Variants in ARIH1 observed in about 807,000 individuals in gnomAD.
The protein encoded by ARIH1 is ariadne RBR E3 ubiquitin protein ligase 1, also known as E3 ubiquitin-protein ligase ARIH1.
ARIH1 carries 8 observed loss-of-function variants against 85.0 expected under a neutral mutation model. That is an observed-to-expected ratio of 0.09 (90% CI 0.06 to 0.17). The LOEUF (loss-of-function observed/expected upper bound fraction) is 0.17. Among genes scored for constraint, ARIH1 ranks in the 10% least tolerant of loss-of-function variants. The probability of loss-of-function intolerance (pLI) is 1.00; values close to 1 mark genes in which losing one functional copy is unlikely to be tolerated. For missense variants in ARIH1, 311 were observed against 718.1 expected (o/e 0.43, Z 6.48); for synonymous variants, 238 against 253.6 (o/e 0.94, Z 0.59).
At chr15:72,490,831 A>G (rs1289849362) in intron 1 of ARIH1, among the ~76,000 whole-genome samples, 1 of 152,148 alleles carries the variant, frequency 6.6e-6, no homozygotes, top group Non-Finnish European at 1.5e-5. Context: ...TAAACAATGC[A>G]GATTAGGATA....
At chr15:72,576,505 C>CAAAAA (rs35725065) in intron 11 of ARIH1, among the ~76,000 whole-genome samples, 2 of 63,276 alleles carry the variant, frequency 3.2e-5, no homozygotes, top group African/African-American at 7.7e-5. Context: ...GACTCTGTCT[C>CAAAAA]AAAAAAAAAA....
rs146201748 is a variant in ARIH1, at chr15:72,529,194, G to A, written c.443+11060G>A. On this transcript the variant is annotated intron_variant, in intron 2 of 13. Transcript: ENST00000379887. ...AGCCTGGGCGACAGAGCGAGACTCC[G>A]TCTCAAAAAAAAAAAGCAAATGTAC... Among the ~76,000 whole-genome samples the A allele has an allele frequency of 3.4e-4, 52 of 151,686 alleles. No individual in the cohort carries two copies. In the East Asian group the frequency reaches 9.1e-3, roughly 26 times the overall value.
chr15:72,569,421 A>G (rs2064234256), intron 9 of ARIH1, among the ~76,000 whole-genome samples: 1 of 152,210 alleles, frequency 6.6e-6, no homozygotes, highest in Non-Finnish European at 1.5e-5. Flanking sequence ...TTGGTAGGAG[A>G]AAGTTGGAAA....
Position 72,474,780 on chromosome 15 carries a change from G to C in ARIH1, c.141G>C (p.Leu47=). 6.6e-7 allele frequency: 1 copy of C among 1,524,434 alleles called. No individual in the cohort carries two copies. The highest frequency in any genetic ancestry group is 8.8e-7 in the Non-Finnish European group (1 of 1,133,754). 94.4% of individuals were successfully genotyped at this position (1,524,434 alleles called of 1,614,324 possible). ...DDTLDLGEVE[L]VEPGLGVGGE... Reference sequence around the variant, plus strand: ...CCCTGGATCTGGGCGAGGTGGAGCTGGTGGAGCCCGGGCTGGGCGTCGGCG... The same window carrying C: ...CCCTGGATCTGGGCGAGGTGGAGCTCGTGGAGCCCGGGCTGGGCGTCGGCG... Residue 47 remains leucine (L), a synonymous_variant, in exon 1 of 14, where the codon CTG becomes CTC. Coordinates refer to ENST00000379887, the MANE Select transcript of ARIH1 (RefSeq NM_005744.5).
chr15:72,498,898 A>G (rs991555924), intron 1 of ARIH1, among the ~76,000 whole-genome samples: 5 of 150,906 alleles, frequency 3.3e-5, no homozygotes, highest in African/African-American at 1.2e-4. Context: ...TAAAGAAAAT[A>G]CTAGTTGTTT....
intron 3 of ARIH1, 45 bp from the exon 4 acceptor site, chr15:72,555,226 T>A (rs746479716): frequency 1.1e-5 from 16 of 1,448,954 alleles, no homozygotes; most frequent in Non-Finnish European, 1.5e-5. Flanking sequence ...ATAGTGAGTT[T>A]TCTGATAATA....
intron 11 of ARIH1, 57 bp from the exon 12 acceptor site, chr15:72,580,672 GCT>G: frequency 1.2e-5 from 18 of 1,470,836 alleles, no homozygotes; most frequent in Non-Finnish European, 1.7e-5. Context: ...TTGATAATCA[GCT>G]TTTATGTACA....
chr15:72,556,277 G>A (rs1440946815), intron 5 of ARIH1, among the ~76,000 whole-genome samples: 2 of 152,222 alleles, frequency 1.3e-5, no homozygotes, highest in Non-Finnish European at 2.9e-5. Context: ...CATTGATATA[G>A]GCCTGACATC....
In ARIH1 at chr15:72,584,934, C is replaced by CGTA. The variant is rs1339627888; in HGVS notation, c.*1642_*1643insGTA. The CGTA allele has an allele frequency of 4.7e-5, 7 of 150,412 alleles. No individual in the cohort carries two copies. The East Asian group carries it at 1.4e-3, about 29-fold the overall frequency. 9.3% of individuals were successfully genotyped at this position (150,412 alleles called of 1,614,324 possible). A position where few individuals can be genotyped will look rare whatever the true frequency, so the allele number is the denominator to read the frequency against. On this transcript the variant is annotated 3_prime_UTR_variant, in exon 14 of 14. Transcript: ENST00000379887. ...ATTAAGAGGTCTAAATATGAAATAC[C>CGTA]AGTTGAGGCTGAGGACCTCTTCGTC... is the stretch of plus-strand genomic sequence containing the variant.
At position 72,555,376 on chromosome 15, in the gene ARIH1, A is replaced by T; in HGVS notation, c.681+13A>T. ...AGGCATGGGTCAGGTAAAGATATCA[A>T]GTTGTTTTTCAGTTTTTGTTGAATT... is the stretch of plus-strand genomic sequence containing the variant. On this transcript the variant is annotated intron_variant, in intron 4 of 13. Transcript: ENST00000379887. The T allele has an allele frequency of 6.3e-7, 1 of 1,598,128 alleles. No homozygotes were observed. Among genetic ancestry groups the T allele is most frequent in the Admixed American group, 1.7e-5 (1 of 59,756 alleles).
chr15:72,508,756 C>CA (rs1272267069), intron 1 of ARIH1, among the ~76,000 whole-genome samples: 1 of 147,388 alleles, frequency 6.8e-6, no homozygotes, highest in Non-Finnish European at 1.5e-5. Context: ...TGTAGTGGTG[C>CA]AGTCTCGGCT....
At position 72,595,808 on chromosome 15, in the gene ARIH1, G is replaced by GTTTT. The variant is rs59597213; in HGVS notation, c.*12531_*12534dup. The GTTTT allele has an allele frequency of 8.1e-6, 1 of 122,836 alleles. No individual in the cohort carries two copies. The highest frequency in any genetic ancestry group is 1.7e-5 in the Non-Finnish European group (1 of 57,682). The allele number at this position is 122,836 out of a possible 1,614,324, so 7.6% of individuals were successfully genotyped here. A position where few individuals can be genotyped will look rare whatever the true frequency, so the allele number is the denominator to read the frequency against. ...TATTGCAGTGTTTTTTGTTTTTTCT[G>GTTTT]TTTTTTTTTTTTTTTTTTCATCTTT... is the stretch of plus-strand genomic sequence containing the variant. On this transcript the variant is annotated 3_prime_UTR_variant, in exon 14 of 14. Transcript: ENST00000379887.
At chr15:72,565,614 GATA>G (rs2064216135) in intron 7 of ARIH1, among the ~76,000 whole-genome samples, 3 of 152,086 alleles carry the variant, frequency 2.0e-5, no homozygotes, top group South Asian at 2.1e-4. Flanking sequence ...AGAAAAGGTG[GATA>G]ATACCTACTT....
chr15:72,572,236 AAT>A, intron 11 of ARIH1, 71 bp downstream of exon 11: 7 of 1,013,796 alleles, frequency 6.9e-6, no homozygotes, highest in South Asian at 2.9e-5. Context: ...ATTAGAGAAT[AAT>A]TTTTTTTTTT....
intron 2 of ARIH1, among the ~76,000 whole-genome samples, chr15:72,522,005 T>G (rs2064002385): frequency 6.6e-6 from 1 of 152,230 alleles, no homozygotes; most frequent in South Asian, 2.1e-4. Context: ...CATTCTGCTT[T>G]ATAGTCGTAT....
rs765164504 is a variant in ARIH1 at position 72,518,023 on chromosome 15, A to G, written c.376-44A>G. On this transcript the variant is annotated intron_variant, in intron 1 of 13. Coordinates refer to ENST00000379887, the MANE Select transcript of ARIH1 (RefSeq NM_005744.5). ...CTAGGAGTTCACTAAATGTCCATGA[A>G]GTGCTATTACCTTAAAATGACTTTT... 4.9e-6 allele frequency: 7 copies of G among 1,436,296 alleles called. No homozygotes were observed. The African/African-American group carries it at 9.9e-5, about 20-fold the overall frequency. The allele number at this position is 1,436,296 out of a possible 1,614,324, so 89.0% of individuals were successfully genotyped here.
Position 72,583,447 on chromosome 15 carries a change from A to G in ARIH1, c.*155A>G. 3.8e-6 allele frequency: 2 copies of G among 530,908 alleles called. No individual in the cohort carries two copies. Among genetic ancestry groups the G allele is most frequent in the Middle Eastern group, 6.1e-4 (2 of 3,272 alleles). 32.9% of individuals were successfully genotyped at this position (530,908 alleles called of 1,614,324 possible). On this transcript the variant is annotated 3_prime_UTR_variant, in exon 14 of 14. Coordinates refer to ENST00000379887, the MANE Select transcript of ARIH1 (RefSeq NM_005744.5). The stretch of plus-strand genomic sequence containing the variant: ...GTTTTGTTAATGGAAAGTTTAAGTA[A>G]ATTATATTGTAATAAAAAGGTAGAT...
Position 72,585,479 on chromosome 15 carries a change from A to G in ARIH1, c.*2187A>G, listed in dbSNP as rs1187514354. 8 of 152,118 alleles carry G rather than the reference A, an allele frequency of 5.3e-5. No individual in the cohort carries two copies. Among genetic ancestry groups the G allele is most frequent in the Non-Finnish European group, 1.2e-4 (8 of 68,026 alleles). The allele number at this position is 152,118 out of a possible 1,614,324, so 9.4% of individuals were successfully genotyped here. A position where few individuals can be genotyped will look rare whatever the true frequency, so the allele number is the denominator to read the frequency against. On this transcript the variant is annotated 3_prime_UTR_variant, in exon 14 of 14. Coordinates refer to ENST00000379887, the MANE Select transcript of ARIH1 (RefSeq NM_005744.5). The stretch of plus-strand genomic sequence containing the variant: ...TTTGAAAAGCAGTCAGAGTTGCTAT[A>G]TAGATATATGTGGCTCCTTTAAAAT...
At chr15:72,481,201 G>T (rs531125836) in intron 1 of ARIH1, among the ~76,000 whole-genome samples, 1 of 152,290 alleles carries the variant, frequency 6.6e-6, no homozygotes, top group South Asian at 2.1e-4. Context: ...ACACTGACTT[G>T]TTGAATTGCT....
Sources: gnomAD v4.1 joint callset for allele counts (sites outside exome capture counted in the v4.1 genomes callset) on GRCh38, gnomAD v4.1.1 for gene constraint, MANE v1.5 for transcripts, NCBI Gene and HGNC (gene_info 2026-07-23, HGNC 2026-07-21) for gene names.